SMARCAD1: variants seen among roughly 807,000 people sequenced by gnomAD.
SMARCAD1 encodes SNF2 related chromatin remodeling ATPase with DExD box 1, also known as SWI/SNF-related matrix-associated actin-dependent regulator of chromatin subfamily A containing DEAD/H box 1.
A neutral mutation model predicts 127.1 loss-of-function variants in SMARCAD1; 25 were observed. The observed-to-expected ratio is 0.20, with a 90% CI of 0.14 to 0.27. SMARCAD1 has a LOEUF of 0.27. Ranked by LOEUF, SMARCAD1 falls within the 10% of genes least tolerant of loss-of-function variation. SMARCAD1 has a pLI of 1.00. For synonymous variants in SMARCAD1, 400 were observed against 396.9 expected, an observed-to-expected ratio of 1.01 and a Z score of -0.09; for missense variants, 807 against 1,206.0, an observed-to-expected ratio of 0.67 and a Z score of 4.90.
At chr4:94,208,912 A>G (rs751919184) in intron 2 of SMARCAD1, among the ~76,000 whole-genome samples, 1 of 152,172 alleles carries the variant, frequency 6.6e-6, no homozygotes, top group East Asian at 1.9e-4. Flanking sequence ...CTTTGAGGCT[A>G]TTTGGGCAGA....
intron 1 of SMARCAD1, 111 bp from the exon 2 acceptor site, chr4:94,208,235 A>T (rs1038307185): frequency 1.3e-6 from 1 of 780,120 alleles, no homozygotes; most frequent in Non-Finnish European, 2.3e-6. Context: ...AACAGTCCTG[A>T]GCCACTGGCA....
In SMARCAD1 at chr4:94,290,701, G is replaced by T. The variant is rs1330151969; in HGVS notation, c.*1167G>T. 2.3e-6 allele frequency: 1 copy of T among 443,980 alleles called. No homozygotes were observed. Among genetic ancestry groups the T allele is most frequent in the Non-Finnish European group, 4.5e-6 (1 of 222,368 alleles). 27.5% of individuals were successfully genotyped at this position (443,980 alleles called of 1,614,324 possible). A position where few individuals can be genotyped will look rare whatever the true frequency, so the allele number is the denominator to read the frequency against. On this transcript the variant is annotated 3_prime_UTR_variant, in exon 24 of 24. Coordinates refer to ENST00000354268, the MANE Select transcript of SMARCAD1 (RefSeq NM_020159.5). ...TTATTAAATCTTTCTTTAAATTTCT[G>T]CCTGTCAGTCTATATTGCTGTTTTT...
intron 14 of SMARCAD1, among the ~76,000 whole-genome samples, chr4:94,276,041 C>T (rs949305718): frequency 5.9e-5 from 9 of 152,152 alleles, no homozygotes; most frequent in African/African-American, 2.2e-4. Context: ...TCGTGATCCG[C>T]CCGCCTCGGC....
chr4:94,226,306 T>C lies in SMARCAD1; in HGVS notation c.368+10T>C, dbSNP rs1353125448. On this transcript the variant is annotated intron_variant, in intron 3 of 23. Transcript: ENST00000354268. ...ATACAGTGATTATAGTGTAAGCTGA[T>C]TAATAGATATATTGTATTTGCATGT... The C allele has an allele frequency of 6.2e-7, 1 of 1,601,582 alleles. No individual in the cohort carries two copies. Among genetic ancestry groups the C allele is most frequent in the Non-Finnish European group, 8.6e-7 (1 of 1,169,262 alleles).
chr4:94,251,193 A>G (rs1749221572), intron 8 of SMARCAD1, among the ~76,000 whole-genome samples: 2 of 152,194 alleles, frequency 1.3e-5, no homozygotes, highest in Non-Finnish European at 2.9e-5. Context: ...TGTAATGTAG[A>G]TGTCTTAGCC....
chr4:94,270,614 A>G, intron 10 of SMARCAD1, 114 bp from the exon 11 acceptor site: 1 of 814,400 alleles, frequency 1.2e-6, no homozygotes, highest in Non-Finnish European at 2.1e-6. Flanking sequence ...AGCATCTAAC[A>G]GTTAAAAGGT....
chr4:94,282,638 A>AT (rs975338927), intron 21 of SMARCAD1, among the ~76,000 whole-genome samples: 4 of 150,606 alleles, frequency 2.7e-5, no homozygotes, highest in East Asian at 3.9e-4. Flanking sequence ...ATTTTGATTT[A>AT]TTTTTTTTCT....
intron 2 of SMARCAD1, among the ~76,000 whole-genome samples, chr4:94,220,917 C>T (rs891006962): frequency 1.8e-4 from 27 of 152,172 alleles, no homozygotes; most frequent in Non-Finnish European, 1.2e-4. Context: ...CACTGCATAC[C>T]GTACAACAGT....
At chr4:94,237,597 C>A (rs556877332) in intron 5 of SMARCAD1, among the ~76,000 whole-genome samples, 1 of 151,930 alleles carries the variant, frequency 6.6e-6, no homozygotes, top group African/African-American at 2.4e-5. Context: ...TAAATTATAA[C>A]CACCTTTTAT....
chr4:94,236,848 T>C, intron 4 of SMARCAD1, 104 bp from the exon 5 acceptor site: 1 of 906,132 alleles, frequency 1.1e-6, no homozygotes, highest in South Asian at 1.4e-5. Context: ...ACACATACTT[T>C]CCTGTCATGT....
At chr4:94,278,052 A>C (rs1753544648) in intron 16 of SMARCAD1, among the ~76,000 whole-genome samples, 4 of 152,170 alleles carry the variant, frequency 2.6e-5, no homozygotes, top group Admixed American at 2.6e-4. Context: ...CCACAAAGAA[A>C]TAAAGGATTT....
At chr4:94,250,042 A>T (rs910421358) in intron 7 of SMARCAD1, among the ~76,000 whole-genome samples, 4 of 152,014 alleles carry the variant, frequency 2.6e-5, no homozygotes, top group African/African-American at 9.7e-5. Flanking sequence ...AGTCATCTGT[A>T]ACCCTGCCCC....
intron 2 of SMARCAD1, among the ~76,000 whole-genome samples, chr4:94,221,090 T>C (rs539728388): frequency 6.6e-6 from 1 of 152,348 alleles, no homozygotes; most frequent in Non-Finnish European, 1.5e-5. Flanking sequence ...ACAGTATGTA[T>C]TTCCAGTGAT....
intron 2 of SMARCAD1, among the ~76,000 whole-genome samples, chr4:94,210,249 G>A (rs34320044): frequency 0.03 from 4,502 of 152,218 alleles, 120 homozygotes; most frequent in Non-Finnish European, 0.041. Context: ...TGATGGCTTC[G>A]GGAAATAAGA....
chr4:94,210,285 G>T (rs1199766209), intron 2 of SMARCAD1, among the ~76,000 whole-genome samples: 1 of 152,194 alleles, frequency 6.6e-6, no homozygotes, highest in Non-Finnish European at 1.5e-5. Flanking sequence ...TAGGAATGTT[G>T]AGAATTAATC....
chr4:94,255,991 G>GT (rs1440464884), intron 9 of SMARCAD1, among the ~76,000 whole-genome samples: 1 of 152,080 alleles, frequency 6.6e-6, no homozygotes, highest in Non-Finnish European at 1.5e-5. Flanking sequence ...TGTTATTGTG[G>GT]TAAAAATTGG....
At chr4:94,244,859 A>G (rs1748178431) in intron 6 of SMARCAD1, among the ~76,000 whole-genome samples, 1 of 152,188 alleles carries the variant, frequency 6.6e-6, no homozygotes. Flanking sequence ...TTTGCCTCCA[A>G]AAACCACCTC....
intron 6 of SMARCAD1, among the ~76,000 whole-genome samples, chr4:94,242,740 G>GC (rs1190734070): frequency 6.3e-5 from 5 of 79,044 alleles, no homozygotes; most frequent in Non-Finnish European, 8.6e-5. Flanking sequence ...TCCTGTCTCT[G>GC]CAAAAAAAAA....
intron 10 of SMARCAD1, among the ~76,000 whole-genome samples, chr4:94,269,771 T>C (rs1317514199): frequency 6.6e-6 from 1 of 152,008 alleles, no homozygotes; most frequent in Non-Finnish European, 1.5e-5. Flanking sequence ...CAGGCTCAGG[T>C]GATCCTTCCA....
Sources: gnomAD v4.1 joint callset for allele counts (sites outside exome capture counted in the v4.1 genomes callset) on GRCh38, gnomAD v4.1.1 for gene constraint, MANE v1.5 for transcripts, NCBI Gene and HGNC (gene_info 2026-07-23, HGNC 2026-07-21) for gene names.